RGMB: variants seen among roughly 807,000 people sequenced by gnomAD.
RGMB encodes repulsive guidance molecule BMP co-receptor b.
RGMB carries 16 observed loss-of-function variants against 26.9 expected under a neutral mutation model. The ratio of observed to expected loss-of-function variants is 0.60; its 90% CI spans 0.40 to 0.90. The LOEUF (loss-of-function observed/expected upper bound fraction) is 0.90, where lower values mean the gene tolerates loss of function less well. Among genes scored for constraint, RGMB ranks in the 40% least tolerant of loss-of-function variants. The pLI is 0.00. For synonymous variants in RGMB, 225 were observed against 229.3 expected (o/e 0.98, Z 0.17); for missense variants, 512 against 573.3 (o/e 0.89, Z 1.09).
At chr5:98,773,218 G>A (rs116103640), upstream of RGMB, 1,104 of 151,294 alleles carry the variant, frequency 7.3e-3, 9 homozygotes, top group South Asian at 0.018. Flanking sequence ...GGCAGGGCCA[G>A]GGCAGGGAGG....
chr5:98,793,487 A>G lies in RGMB; in HGVS notation c.1048A>G (p.Thr350Ala), dbSNP rs752875875. ...TSLVQAWPGYTLETANTQCHE... is the reference protein window; with the variant it reads ...TSLVQAWPGYALETANTQCHE... ...CTTGGTGCAGGCCTGGCCTGGCTAC[A>G]CACTGGAGACTGCCAACACTCAATG... Residue 350 changes from threonine to alanine, a missense_variant, in exon 3 of 3, where the codon ACA becomes GCA. Physicochemically the swap from Thr to Ala is moderately conservative, Grantham distance 58. Transcript: ENST00000513185. 3.1e-6 allele frequency: 5 copies of G among 1,613,626 alleles called. No individual in the cohort carries two copies. The Admixed American group carries it at 5.0e-5, about 16-fold the overall frequency.
rs978784423 is a variant in RGMB at position 98,774,337 on chromosome 5, C to T, written c.136+131C>T. ...GCAACGGGAAAGGCCTCCCGAGCCC[C>T]TGACACGCACCTCTGTCGGGCTCCG... On this transcript the variant is annotated intron_variant, in intron 1 of 2. Transcript: ENST00000513185. 1.2e-5 allele frequency: 11 copies of T among 938,942 alleles called. No individual in the cohort carries two copies. The Admixed American group carries it at 3.4e-4, about 29-fold the overall frequency. 58.2% of individuals were successfully genotyped at this position (938,942 alleles called of 1,614,324 possible). A position where few individuals can be genotyped will look rare whatever the true frequency, so the allele number is the denominator to read the frequency against.
At chr5:98,774,403 G>C (rs1167130721) in intron 1 of RGMB, among the ~76,000 whole-genome samples, 197 bp downstream of exon 1, 1 of 152,216 alleles carries the variant, frequency 6.6e-6, no homozygotes, top group East Asian at 1.9e-4. Flanking sequence ...GCCGCCGGGC[G>C]CAGAGACGAG....
upstream of RGMB, chr5:98,771,307 GTC>G (rs1475969374): frequency 6.6e-6 from 1 of 152,148 alleles, no homozygotes; most frequent in Admixed American, 6.5e-5. Context: ...ACTTTTATAA[GTC>G]ACCGATTTTT....
upstream of RGMB, among the ~76,000 whole-genome samples, chr5:98,772,056 G>A (rs191967740): frequency 1.9e-4 from 29 of 152,270 alleles, no homozygotes; most frequent in African/African-American, 6.5e-4. Flanking sequence ...TGAAGTAATT[G>A]CAAGATAGTA....
chr5:98,783,258 C>G (rs1746664782), intron 2 of RGMB, among the ~76,000 whole-genome samples: 1 of 152,132 alleles, frequency 6.6e-6, no homozygotes, highest in Non-Finnish European at 1.5e-5. Flanking sequence ...ATCTCTCCAC[C>G]CCGGGGGCTG....
intron 2 of RGMB, among the ~76,000 whole-genome samples, chr5:98,783,795 A>T (rs1485667540): frequency 6.6e-6 from 1 of 152,234 alleles, no homozygotes; most frequent in Non-Finnish European, 1.5e-5. Flanking sequence ...CTTTTTCAAA[A>T]ACAATTCTGA....
Position 98,774,057 on chromosome 5 carries a change from C to A in RGMB, c.-14C>A. 1 of 895,714 alleles carries A rather than the reference C, an allele frequency of 1.1e-6. No homozygotes were observed. The highest frequency in any genetic ancestry group is 1.7e-6 in the Non-Finnish European group (1 of 582,230). The allele number at this position is 895,714 out of a possible 1,614,324, so 55.5% of individuals were successfully genotyped here. A position where few individuals can be genotyped will look rare whatever the true frequency, so the allele number is the denominator to read the frequency against. ...CCGCCCTCGCCGGAGCCCACGAGAC[C>A]TGCATGGACGGGCATGGGCTTGAGA... On this transcript the variant is annotated 5_prime_UTR_variant, in exon 1 of 3. In the 5' UTR this introduces an upstream ATG that the reference lacks. Transcript: ENST00000513185.
chr5:98,778,025 G>A (rs1282579621), intron 1 of RGMB, among the ~76,000 whole-genome samples: 2 of 152,054 alleles, frequency 1.3e-5, no homozygotes, highest in Non-Finnish European at 2.9e-5. Context: ...GGAAGCCTTA[G>A]CCAAAGCAGA....
rs1033227094 is a variant in RGMB at position 98,793,946 on chromosome 5, T to C, written c.*193T>C. 3 of 511,178 alleles carry C rather than the reference T, an allele frequency of 5.9e-6. No individual in the cohort carries two copies. Among genetic ancestry groups the C allele is most frequent in the African/African-American group, 3.9e-5 (2 of 51,462 alleles). 31.7% of individuals were successfully genotyped at this position (511,178 alleles called of 1,614,324 possible). On this transcript the variant is annotated 3_prime_UTR_variant, in exon 3 of 3. Transcript: ENST00000513185. ...CACATATGTTGGATGTAGTGTTCTT[T>C]GATTGTATCAATTTTGTTTTGCAGT...
chr5:98,779,514 T>A (rs1001028515), intron 1 of RGMB, 66 bp from the exon 2 acceptor site: 6 of 1,414,000 alleles, frequency 4.2e-6, no homozygotes, highest in Non-Finnish European at 5.7e-6. Flanking sequence ...ACAATGTGAT[T>A]TTCTCATGTA....
intron 2 of RGMB, among the ~76,000 whole-genome samples, chr5:98,791,665 A>G (rs1399044213): frequency 1.3e-5 from 2 of 152,180 alleles, no homozygotes; most frequent in African/African-American, 4.8e-5. Context: ...AAGAAGGAAG[A>G]GAGAACCCTG....
rs559443363 is a variant in RGMB, at chr5:98,789,490, T to C, written c.646-3595T>C. On this transcript the variant is annotated intron_variant, in intron 2 of 2. Transcript: ENST00000513185. Reference sequence around the variant, plus strand: ...TTTCATTTAATATGTTTTTTTTTTTTCTCCCGGTGGAAAGGAGAGGCAGGT... The same window carrying C: ...TTTCATTTAATATGTTTTTTTTTTTCCTCCCGGTGGAAAGGAGAGGCAGGT... Among the ~76,000 whole-genome samples the C allele has an allele frequency of 3.4e-3, 509 of 150,932 alleles. 1 individual carries two copies. The highest frequency in any genetic ancestry group is 6.0e-3 in the Non-Finnish European group (404 of 67,622).
chr5:98,787,725 T>A (rs1746806341), intron 2 of RGMB, among the ~76,000 whole-genome samples: 1 of 152,204 alleles, frequency 6.6e-6, no homozygotes, highest in South Asian at 2.1e-4. Flanking sequence ...CTCACCCTAA[T>A]ACAAGGAAGT....
chr5:98,787,017 C>T (rs753969157), intron 2 of RGMB, among the ~76,000 whole-genome samples: 15 of 152,128 alleles, frequency 9.9e-5, no homozygotes, highest in Non-Finnish European at 8.8e-5. Flanking sequence ...GCATGTGCTC[C>T]TGAAATGGGG....
At chr5:98,782,995 G>C (rs553149826) in intron 2 of RGMB, among the ~76,000 whole-genome samples, 102 of 152,284 alleles carry the variant, frequency 6.7e-4, no homozygotes, top group Middle Eastern at 3.4e-3. Context: ...ACATGCCTGC[G>C]GTGCTTAATG....
chr5:98,786,817 C>A (rs1477412645), intron 2 of RGMB, among the ~76,000 whole-genome samples: 1 of 152,138 alleles, frequency 6.6e-6, no homozygotes, highest in Non-Finnish European at 1.5e-5. Context: ...AATCACAGTG[C>A]TATTGGGTCT....
In RGMB at chr5:98,787,350, C is replaced by T. The variant is rs1746794835; in HGVS notation, c.646-5735C>T. On this transcript the variant is annotated intron_variant, in intron 2 of 2. Coordinates refer to ENST00000513185, the MANE Select transcript of RGMB (RefSeq NM_001366508.1). Reference sequence around the variant, plus strand: ...TTTCTAATCCCATCGGTTTGGAGAACAGCTGTGCTGAACCTAGGCCCAGAG... The same window carrying T: ...TTTCTAATCCCATCGGTTTGGAGAATAGCTGTGCTGAACCTAGGCCCAGAG... 2.6e-5 allele frequency among the ~76,000 whole-genome samples: 4 copies of T among 152,290 alleles called. No homozygotes were observed. The South Asian group carries it at 8.3e-4, about 32-fold the overall frequency.
intron 2 of RGMB, 133 bp downstream of exon 2, chr5:98,780,221 A>T (rs1334449183): frequency 2.6e-6 from 2 of 774,408 alleles, no homozygotes; most frequent in Non-Finnish European, 4.1e-6. Context: ...TTAACAGTTG[A>T]TAAAGGGTTA....
Sources: allele counts gnomAD v4.1 joint callset (sites outside exome capture counted in the v4.1 genomes callset), GRCh38; gene constraint gnomAD v4.1.1; transcripts MANE v1.5; gene names NCBI Gene and HGNC (gene_info 2026-07-23, HGNC 2026-07-21).